The following KLHL29 variants were observed in gnomAD, a reference collection of about 807,000 sequenced individuals.
KLHL29 encodes the protein kelch like family member 29, also known as kelch-like protein 29.
KLHL29 carries 21 observed loss-of-function variants against 80.4 expected under a neutral mutation model. The observed-to-expected ratio is 0.26, with a 90% CI of 0.19 to 0.38. The LOEUF is 0.38. Among genes scored for constraint, KLHL29 ranks in the 10% least tolerant of loss-of-function variants. KLHL29 has a pLI of 1.00. For missense variants in KLHL29, 867 were observed against 1,223.9 expected (o/e 0.71, Z 4.35); for synonymous variants, 511 against 526.8 (o/e 0.97, Z 0.41).
Position 23,696,553 on chromosome 2 carries a change from T to C in KLHL29, c.2105+40T>C. 1 of 1,448,314 alleles carries C rather than the reference T, an allele frequency of 6.9e-7. No individual in the cohort carries two copies. The highest frequency in any genetic ancestry group is 2.5e-5 in the Admixed American group (1 of 40,202). The allele number at this position is 1,448,314 out of a possible 1,614,324, so 89.7% of individuals were successfully genotyped here. On this transcript the variant is annotated intron_variant, in intron 11 of 13. Transcript: ENST00000486442. The surrounding 1 kb of genome is among the most constrained non-coding windows in gnomAD (Gnocchi z 5.5). Reference sequence around the variant, plus strand: ...GTCAGGACAGGGGCATGCTCTTTGCTCACCAAGAACTGAAATCACGTCACT... The same window carrying C: ...GTCAGGACAGGGGCATGCTCTTTGCCCACCAAGAACTGAAATCACGTCACT...
chr2:23,491,489 C>T (rs1665101219), intron 2 of KLHL29, among the ~76,000 whole-genome samples: 1 of 152,134 alleles, frequency 6.6e-6, no homozygotes. Context: ...GCCTGGGGGG[C>T]TGAGGGGTAT....
chr2:23,421,676 A>T (rs1662811237), intron 1 of KLHL29, among the ~76,000 whole-genome samples: 1 of 141,148 alleles, frequency 7.1e-6, no homozygotes. Context: ...TGTGTGTTAT[A>T]TGTTGTGTGT....
rs553745526 is a variant in KLHL29, at chr2:23,682,754, C to A, written c.941-1645C>A. Among the ~76,000 whole-genome samples the A allele has an allele frequency of 5.9e-5, 9 of 152,286 alleles. No individual in the cohort carries two copies. The highest frequency in any genetic ancestry group is 2.0e-4 in the Admixed American group (3 of 15,306). On this transcript the variant is annotated intron_variant, in intron 5 of 13. Transcript: ENST00000486442. This position sits in a 1 kb window ranked among gnomAD's most constrained non-coding sequence, Gnocchi z 4.1. ...TGGTCTCTGTCTGTAGCTCCCACCCCCCTTGCTCCGGGTCTGAGCTCACCC... is the reference window on the plus strand; with the variant it reads ...TGGTCTCTGTCTGTAGCTCCCACCCACCTTGCTCCGGGTCTGAGCTCACCC...
intron 1 of KLHL29, among the ~76,000 whole-genome samples, chr2:23,466,108 G>A (rs1318933005): frequency 1.3e-5 from 2 of 152,034 alleles, no homozygotes; most frequent in African/African-American, 2.4e-5. Flanking sequence ...ACAGAGAAAC[G>A]CCTCCTTCCA....
At chr2:23,401,107 C>T (rs57037025) in intron 1 of KLHL29, among the ~76,000 whole-genome samples, 1 of 152,166 alleles carries the variant, frequency 6.6e-6, no homozygotes, top group African/African-American at 2.4e-5. Flanking sequence ...TCTGCTGCCC[C>T]GTTTCTGGGC....
At chr2:23,561,459 C>T (rs757886329) in intron 2 of KLHL29, among the ~76,000 whole-genome samples, 14 of 152,116 alleles carry the variant, frequency 9.2e-5, no homozygotes, top group Non-Finnish European at 1.8e-4. Context: ...TGATGCCGCC[C>T]GAGATCAAAT....
intron 1 of KLHL29, among the ~76,000 whole-genome samples, chr2:23,428,829 A>G (rs1663078769): frequency 6.6e-6 from 1 of 152,186 alleles, no homozygotes; most frequent in Non-Finnish European, 1.5e-5. Flanking sequence ...AGAACCAGCA[A>G]AGCCTCCCGG....
At position 23,671,318 on chromosome 2, in the gene KLHL29, C is replaced by T. The variant is rs988043886; in HGVS notation, c.941-13081C>T. ...TCCTTGTGGCTCTCTGCTGCCTGCCCCATGCCCAGTTCTCTCTGCGTCTCT... is the reference window on the plus strand; with the variant it reads ...TCCTTGTGGCTCTCTGCTGCCTGCCTCATGCCCAGTTCTCTCTGCGTCTCT... On this transcript the variant is annotated intron_variant, in intron 5 of 13. Coordinates refer to ENST00000486442, the MANE Select transcript of KLHL29 (RefSeq NM_052920.2). Among the ~76,000 whole-genome samples the T allele has an allele frequency of 2.0e-5, 3 of 152,112 alleles. 1 individual carries two copies. The highest frequency in any genetic ancestry group is 4.2e-4 in the South Asian group (2 of 4,810).
rs552924356 is a variant in KLHL29 at position 23,703,315 on chromosome 2, C to T, written c.2235C>T (p.Ala745=). 76 of 1,546,666 alleles carry T rather than the reference C, an allele frequency of 4.9e-5. No individual in the cohort carries two copies. The African/African-American group carries it at 6.0e-4, about 12-fold the overall frequency. The part of the protein sequence containing the change: ...FGGVNEAGRA[A]GVLQSYVPQT... ...GGGTGAACGAGGCAGGCCGAGCTGC[C>T]GGCGTCCTCCAGTCTTACGTTCCTC... The change falls in exon 12 of 14, where the codon GCC becomes GCT. Residue 745 remains alanine, a synonymous_variant. Transcript: ENST00000486442.
intron 2 of KLHL29, among the ~76,000 whole-genome samples, chr2:23,536,330 A>G (rs1423254924): frequency 6.6e-6 from 1 of 152,172 alleles, no homozygotes; most frequent in East Asian, 1.9e-4. Context: ...AGGGGCTCCA[A>G]GCTGCGGAAA....
At chr2:23,683,368 C>A (rs1433237511) in intron 5 of KLHL29, among the ~76,000 whole-genome samples, 6 of 152,246 alleles carry the variant, frequency 3.9e-5, no homozygotes, top group African/African-American at 1.4e-4. Flanking sequence ...ACATTAAGGG[C>A]AGGCTTTGCC....
intron 1 of KLHL29, among the ~76,000 whole-genome samples, chr2:23,407,135 C>T (rs1666755810): frequency 6.6e-6 from 1 of 151,996 alleles, no homozygotes; most frequent in African/African-American, 2.4e-5. Context: ...TAACTGTTTC[C>T]TTTTTGCCAT....
At chr2:23,638,542 A>G (rs1431067942) in intron 3 of KLHL29, among the ~76,000 whole-genome samples, 1 of 152,192 alleles carries the variant, frequency 6.6e-6, no homozygotes, top group Non-Finnish European at 1.5e-5. Context: ...TATCCCCGCC[A>G]TGGGCCTCAG....
chr2:23,607,779 A>G (rs1668764300), intron 3 of KLHL29, among the ~76,000 whole-genome samples: 1 of 152,162 alleles, frequency 6.6e-6, no homozygotes. Flanking sequence ...ATACCCGATG[A>G]TCTGAGGTGG....
intron 3 of KLHL29, among the ~76,000 whole-genome samples, chr2:23,620,059 G>C (rs142066867): frequency 1.7e-3 from 256 of 152,316 alleles, no homozygotes; most frequent in South Asian, 6.0e-3. Context: ...GCTTCTCCGA[G>C]GGGAGGCCAC....
chr2:23,609,397 C>T (rs185057108), intron 3 of KLHL29, among the ~76,000 whole-genome samples: 39 of 152,224 alleles, frequency 2.6e-4, no homozygotes, highest in African/African-American at 8.7e-4. Context: ...TCATTGAGCC[C>T]TTTCACTGGA....
rs1053783286 is a variant in KLHL29 at position 23,495,524 on chromosome 2, G to T, written c.-46+19857G>T. On this transcript the variant is annotated intron_variant, in intron 2 of 13. Transcript: ENST00000486442. The stretch of plus-strand genomic sequence containing the variant: ...TACTCTTTATCTTCTGCCCTGGGTG[G>T]CAGTGGGTATAACAGTCAACCCTGC... Among the ~76,000 whole-genome samples the T allele has an allele frequency of 3.3e-5, 5 of 152,168 alleles. No homozygotes were observed. In the East Asian group the frequency reaches 5.8e-4, roughly 18 times the overall value.
intron 2 of KLHL29, among the ~76,000 whole-genome samples, chr2:23,551,041 G>A (rs116043693): frequency 0.014 from 2,070 of 152,334 alleles, 19 homozygotes; most frequent in Non-Finnish European, 0.019. Context: ...GTGGAGCCAC[G>A]AGAACAAGCA....
chr2:23,679,918 T>TG (rs1188671139), intron 5 of KLHL29, among the ~76,000 whole-genome samples: 5 of 151,648 alleles, frequency 3.3e-5, no homozygotes, highest in Non-Finnish European at 7.4e-5. Flanking sequence ...GACGGAGACT[T>TG]GGAGTGGGGA....
Sources: allele counts gnomAD v4.1 joint callset (sites outside exome capture counted in the v4.1 genomes callset), GRCh38; gene constraint gnomAD v4.1.1; non-coding constraint Gnocchi (gnomAD v3.1); transcripts MANE v1.5; gene names NCBI Gene and HGNC (gene_info 2026-07-23, HGNC 2026-07-21).